The following RALYL variants were observed in gnomAD, a reference collection of about 807,000 sequenced individuals.
RALYL encodes RNA-binding Raly-like protein.
A neutral mutation model predicts 35.1 loss-of-function variants in RALYL; 29 were observed. The observed-to-expected ratio is 0.83, with a 90% CI of 0.61 to 1.13. RALYL has a LOEUF of 1.13. Ranked by LOEUF, RALYL falls within the 50% of genes most tolerant of loss-of-function variation. The pLI is 0.00. For synonymous variants in RALYL, 120 were observed against 127.6 expected (o/e 0.94, Z 0.40); for missense variants, 359 against 360.4 (o/e 1.00, Z 0.03).
At chr8:84,436,698 A>T (rs916171767) in intron 1 of RALYL, among the ~76,000 whole-genome samples, 2 of 151,200 alleles carry the variant, frequency 1.3e-5, no homozygotes, top group Non-Finnish European at 2.9e-5. Flanking sequence ...ATACATATTT[A>T]ATCTATATAA....
rs541295236 is a variant in RALYL, at chr8:84,862,805, A to G, written c.571+352A>G. 9.8e-5 allele frequency among the ~76,000 whole-genome samples: 15 copies of G among 152,344 alleles called. No individual in the cohort carries two copies. In the East Asian group the frequency reaches 2.7e-3, roughly 27 times the overall value. On this transcript the variant is annotated intron_variant, in intron 6 of 8. Coordinates refer to ENST00000521268, the MANE Select transcript of RALYL (RefSeq NM_173848.7). ...AATTTTACTTCCAAAGGGAGTGCAT[A>G]AACTGTCTTTTCAGAGAAACATACA...
chr8:84,717,378 T>TA (rs1368433137), intron 2 of RALYL, among the ~76,000 whole-genome samples: 1 of 152,208 alleles, frequency 6.6e-6, no homozygotes, highest in Non-Finnish European at 1.5e-5. Flanking sequence ...TTGGGGAAGA[T>TA]ACTAGCCTTT....
chr8:84,303,703 C>G (rs1841244920), intron 1 of RALYL, among the ~76,000 whole-genome samples: 1 of 152,130 alleles, frequency 6.6e-6, no homozygotes, highest in South Asian at 2.1e-4. Context: ...GTAGGTAAAA[C>G]TGGTATAATT....
intron 2 of RALYL, among the ~76,000 whole-genome samples, chr8:84,744,184 T>A (rs1262775763): frequency 6.6e-6 from 1 of 151,942 alleles, no homozygotes; most frequent in Non-Finnish European, 1.5e-5. Flanking sequence ...GTGAGAGGAA[T>A]GGAATCAGAA....
At chr8:84,594,195 G>T (rs1452515139) in intron 2 of RALYL, among the ~76,000 whole-genome samples, 3 of 152,004 alleles carry the variant, frequency 2.0e-5, no homozygotes, top group Non-Finnish European at 4.4e-5. Context: ...TGCCTAAAAA[G>T]CATTAACATC....
chr8:84,370,364 A>T (rs1370369585), intron 1 of RALYL, among the ~76,000 whole-genome samples: 1 of 152,048 alleles, frequency 6.6e-6, no homozygotes, highest in Non-Finnish European at 1.5e-5. Flanking sequence ...CAAGAATAAG[A>T]AGTTATTAAT....
chr8:84,812,499 T>C (rs1826135041), intron 4 of RALYL, among the ~76,000 whole-genome samples: 2 of 151,990 alleles, frequency 1.3e-5, no homozygotes, highest in African/African-American at 4.8e-5. Flanking sequence ...CTCCCAAGAT[T>C]ATATGCCCTT....
chr8:84,265,044 G>GTGC (rs1833026444), intron 1 of RALYL, among the ~76,000 whole-genome samples: 1 of 152,212 alleles, frequency 6.6e-6, no homozygotes, highest in South Asian at 2.1e-4. Flanking sequence ...ATAAGCAAAA[G>GTGC]TGCTGTCATG....
intron 2 of RALYL, among the ~76,000 whole-genome samples, chr8:84,688,912 G>C (rs902971679): frequency 6.6e-6 from 1 of 151,862 alleles, no homozygotes; most frequent in African/African-American, 2.4e-5. Flanking sequence ...AAGGGATGTC[G>C]AAAGAATTTC....
At chr8:84,681,783 A>C (rs911464823) in intron 2 of RALYL, among the ~76,000 whole-genome samples, 1 of 152,182 alleles carries the variant, frequency 6.6e-6, no homozygotes, top group African/African-American at 2.4e-5. Flanking sequence ...TGTCATCTGC[A>C]AACAGGGACA....
chr8:84,719,166 T>C (rs1338537300), intron 2 of RALYL, among the ~76,000 whole-genome samples: 1 of 152,190 alleles, frequency 6.6e-6, no homozygotes, highest in African/African-American at 2.4e-5. Context: ...CATTTGGCTA[T>C]AACCCCCAAA....
chr8:84,274,246 C>G (rs1834905500), intron 1 of RALYL, among the ~76,000 whole-genome samples: 1 of 152,110 alleles, frequency 6.6e-6, no homozygotes, highest in Non-Finnish European at 1.5e-5. Flanking sequence ...ACAAGTCTAG[C>G]AAAATGCCTT....
At chr8:84,331,229 A>G (rs183312496) in intron 1 of RALYL, among the ~76,000 whole-genome samples, 27 of 152,222 alleles carry the variant, frequency 1.8e-4, no homozygotes, top group East Asian at 7.7e-4. Context: ...GTTAGCCACC[A>G]TAATATTGAT....
chr8:84,444,494 G>C (rs2048662316), intron 1 of RALYL, among the ~76,000 whole-genome samples: 1 of 152,020 alleles, frequency 6.6e-6, no homozygotes, highest in Non-Finnish European at 1.5e-5. Context: ...TAGGTAAGGA[G>C]AATACCAGCA....
intron 8 of RALYL, among the ~76,000 whole-genome samples, chr8:84,893,872 C>T (rs999535612): frequency 3.3e-5 from 5 of 152,188 alleles, no homozygotes; most frequent in African/African-American, 1.2e-4. Context: ...TCAAATCAGG[C>T]AAATCTAGCA....
intron 1 of RALYL, among the ~76,000 whole-genome samples, chr8:84,412,185 A>AAG (rs1364763556): frequency 2.0e-5 from 3 of 151,964 alleles, no homozygotes; most frequent in Admixed American, 6.6e-5. Context: ...GACAGCAAAA[A>AAG]AAAATACAAA....
At chr8:84,791,190 G>A (rs1189980637) in intron 3 of RALYL, among the ~76,000 whole-genome samples, 1 of 152,180 alleles carries the variant, frequency 6.6e-6, no homozygotes, top group Non-Finnish European at 1.5e-5. Context: ...GCTCAATGAA[G>A]GCTCAGCTGA....
At chr8:84,400,907 T>G (rs1346669590) in intron 1 of RALYL, among the ~76,000 whole-genome samples, 1 of 152,236 alleles carries the variant, frequency 6.6e-6, no homozygotes, top group Non-Finnish European at 1.5e-5. Context: ...TTGTTATGAA[T>G]GAATACATTT....
chr8:84,542,589 C>A (rs991397971), intron 2 of RALYL, among the ~76,000 whole-genome samples: 1 of 152,166 alleles, frequency 6.6e-6, no homozygotes, highest in African/African-American at 2.4e-5. Flanking sequence ...CTTTTGCTTG[C>A]CACATCTTGC....
Sources: allele counts gnomAD v4.1 joint callset (sites outside exome capture counted in the v4.1 genomes callset), GRCh38; gene constraint gnomAD v4.1.1; transcripts MANE v1.5; gene names NCBI Gene and HGNC (gene_info 2026-07-23, HGNC 2026-07-21).